The following SLC24A2 variants were observed in gnomAD, a reference collection of about 807,000 sequenced individuals.
The protein encoded by SLC24A2 is solute carrier family 24 member 2, also known as sodium/potassium/calcium exchanger 2.
SLC24A2 carries 36 observed loss-of-function variants against 62.0 expected under a neutral mutation model. That is an observed-to-expected ratio of 0.58 (90% CI 0.44 to 0.77). The LOEUF (loss-of-function observed/expected upper bound fraction) is 0.77, where lower values mean the gene tolerates loss of function less well. SLC24A2 is among the 30% of genes least tolerant of loss of function. The pLI, the probability that SLC24A2 is intolerant of heterozygous loss-of-function variation, is 0.00. For missense variants in SLC24A2, 846 were observed against 817.9 expected, an observed-to-expected ratio of 1.03 and a Z score of -0.42; for synonymous variants, 358 against 294.0, an observed-to-expected ratio of 1.22 and a Z score of -2.23.
chr9:20,283,800 CT>C, the SLC24A2 span, among the ~76,000 whole-genome samples: 3 of 151,322 alleles, frequency 2.0e-5, no homozygotes, highest in South Asian at 6.3e-4. Flanking sequence ...AGGCTCGCCT[CT>C]TTCCCACGAA....
At chr9:19,947,658 G>T in the SLC24A2 span, among the ~76,000 whole-genome samples, 1 of 151,616 alleles carries the variant, frequency 6.6e-6, no homozygotes, top group Non-Finnish European at 1.5e-5. Flanking sequence ...GGGCATGGTG[G>T]CGGGCACCTG....
At chr9:20,285,070 T>C in the SLC24A2 span, among the ~76,000 whole-genome samples, 2 of 152,116 alleles carry the variant, frequency 1.3e-5, no homozygotes, top group African/African-American at 4.8e-5. Context: ...ACGCAAACAA[T>C]AGGCCAGAGC....
At chr9:20,073,916 G>A in the SLC24A2 span, among the ~76,000 whole-genome samples, 5 of 98,224 alleles carry the variant, frequency 5.1e-5, no homozygotes, top group African/African-American at 1.0e-4. Context: ...ATCCTTGTGG[G>A]GAGATATATA....
chr9:19,867,063 A>G, the SLC24A2 span, among the ~76,000 whole-genome samples: 1 of 152,216 alleles, frequency 6.6e-6, no homozygotes, highest in Non-Finnish European at 1.5e-5. Context: ...AACTAAGAGT[A>G]TAATTGGATT....
chr9:20,178,249 T>C, the SLC24A2 span, among the ~76,000 whole-genome samples: 2 of 152,168 alleles, frequency 1.3e-5, no homozygotes, highest in East Asian at 3.9e-4. Context: ...AAAATGTTTC[T>C]TAAAAGACAG....
At chr9:19,931,137 T>C in the SLC24A2 span, among the ~76,000 whole-genome samples, 1 of 152,006 alleles carries the variant, frequency 6.6e-6, no homozygotes, top group African/African-American at 2.4e-5. Flanking sequence ...AGAATGACAA[T>C]ATCAATAGCT....
At chr9:19,559,120 TCAAA>T (rs778733029) in intron 7 of SLC24A2, among the ~76,000 whole-genome samples, 8 of 152,154 alleles carry the variant, frequency 5.3e-5, no homozygotes, top group Non-Finnish European at 8.8e-5. Context: ...TAGTGAACAC[TCAAA>T]CATTCAAACA....
the SLC24A2 span, among the ~76,000 whole-genome samples, chr9:20,218,760 A>G: frequency 6.6e-6 from 1 of 152,140 alleles, no homozygotes; most frequent in African/African-American, 2.4e-5. Context: ...AAATCACCAC[A>G]AATTTAGCAG....
At chr9:20,213,898 T>C in the SLC24A2 span, among the ~76,000 whole-genome samples, 1 of 152,230 alleles carries the variant, frequency 6.6e-6, no homozygotes, top group Non-Finnish European at 1.5e-5. Context: ...ATCTATATCA[T>C]TGTATCTCCA....
At chr9:19,955,081 A>G in the SLC24A2 span, among the ~76,000 whole-genome samples, 1 of 152,266 alleles carries the variant, frequency 6.6e-6, no homozygotes, top group East Asian at 1.9e-4. Flanking sequence ...CAATTCTAAG[A>G]TACAAATATC....
At chr9:19,572,068 G>C (rs1446397103) in intron 7 of SLC24A2, among the ~76,000 whole-genome samples, 1 of 147,780 alleles carries the variant, frequency 6.8e-6, no homozygotes, top group Non-Finnish European at 1.5e-5. Context: ...TCAGAAGTTC[G>C]AGACCAGCCT....
chr9:19,850,969 A>ATATG, the SLC24A2 span, among the ~76,000 whole-genome samples: 1 of 36,338 alleles, frequency 2.8e-5, no homozygotes, highest in African/African-American at 1.3e-4. Flanking sequence ...ATATATATGT[A>ATATG]TATATATATA....
At chr9:19,607,943 T>G (rs576855631) in intron 4 of SLC24A2, among the ~76,000 whole-genome samples, 3 of 152,156 alleles carry the variant, frequency 2.0e-5, no homozygotes, top group Admixed American at 6.5e-5. Context: ...TGTTTCAAAT[T>G]CAAATATGAG....
the SLC24A2 span, among the ~76,000 whole-genome samples, chr9:20,296,162 C>CG: frequency 6.6e-6 from 1 of 152,234 alleles, no homozygotes; most frequent in African/African-American, 2.4e-5. Context: ...AATATCCAGA[C>CG]TCTCAGATGG....
chr9:20,099,852 C>T, the SLC24A2 span, among the ~76,000 whole-genome samples: 1 of 152,038 alleles, frequency 6.6e-6, no homozygotes, highest in African/African-American at 2.4e-5. Context: ...TTTTCTCCAG[C>T]CCCCTTCTAC....
At chr9:19,520,469 C>T (rs1833138441) in intron 10 of SLC24A2, among the ~76,000 whole-genome samples, 1 of 152,132 alleles carries the variant, frequency 6.6e-6, no homozygotes, top group Non-Finnish European at 1.5e-5. Context: ...AGGAAGGAAA[C>T]AGGATATGTA....
At chr9:19,669,927 C>G (rs1391764334) in intron 2 of SLC24A2, among the ~76,000 whole-genome samples, 1 of 152,212 alleles carries the variant, frequency 6.6e-6, no homozygotes, top group Non-Finnish European at 1.5e-5. Flanking sequence ...ATTCTGTCTA[C>G]CACAGTGCCC....
At chr9:19,862,222 G>GCCA in the SLC24A2 span, among the ~76,000 whole-genome samples, 4 of 152,076 alleles carry the variant, frequency 2.6e-5, no homozygotes, top group Non-Finnish European at 5.9e-5. Flanking sequence ...AACAAACAAT[G>GCCA]GGGTTCCAAT....
the SLC24A2 span, among the ~76,000 whole-genome samples, chr9:20,244,321 G>C: frequency 6.6e-6 from 1 of 152,154 alleles, no homozygotes; most frequent in Non-Finnish European, 1.5e-5. Flanking sequence ...TGAAAAATAA[G>C]ATGCTCATTT....
Sources: allele counts gnomAD v4.1 joint callset (sites outside exome capture counted in the v4.1 genomes callset), GRCh38; gene constraint gnomAD v4.1.1; transcripts MANE v1.5; gene names NCBI Gene and HGNC (gene_info 2026-07-23, HGNC 2026-07-21).